FAM13B: variants seen among roughly 807,000 people sequenced by gnomAD.
FAM13B encodes the protein family with sequence similarity 13 member B, also known as protein FAM13B.
In FAM13B, 60 loss-of-function variants were observed where a neutral mutation model predicts 117.3. That is an observed-to-expected ratio of 0.51 (90% CI 0.42 to 0.63). The LOEUF (loss-of-function observed/expected upper bound fraction) is 0.63, where lower values mean the gene tolerates loss of function less well. FAM13B is among the 30% of genes least tolerant of loss of function. FAM13B has a pLI of 0.00. For synonymous variants in FAM13B, 332 were observed against 356.1 expected, an observed-to-expected ratio of 0.93 and a Z score of 0.76; for missense variants, 972 against 1,091.9, an observed-to-expected ratio of 0.89 and a Z score of 1.55.
intron 1 of FAM13B, among the ~76,000 whole-genome samples, chr5:138,024,314 C>G (rs116469530): frequency 0.011 from 1,727 of 152,088 alleles, 28 homozygotes; most frequent in African/African-American, 0.04. Flanking sequence ...CAGAGACACA[C>G]AGAGAGAAAG....
chr5:137,959,076 TGTTA>T (rs1431585965), intron 13 of FAM13B, among the ~76,000 whole-genome samples: 2 of 152,250 alleles, frequency 1.3e-5, no homozygotes, highest in African/African-American at 4.8e-5. Context: ...GTTGTTTGCT[TGTTA>T]AATTTTAACT....
chr5:138,041,104 C>T (rs1458134826), intron 1 of FAM13B, among the ~76,000 whole-genome samples: 1 of 150,702 alleles, frequency 6.6e-6, no homozygotes, highest in Non-Finnish European at 1.5e-5. Flanking sequence ...CACTAATCTT[C>T]AAAGAAAAGA....
chr5:137,995,768 A>G (rs1347703310), intron 7 of FAM13B, among the ~76,000 whole-genome samples: 1 of 152,218 alleles, frequency 6.6e-6, no homozygotes. Flanking sequence ...TCTTTAAAAT[A>G]TCAAAGGCAT....
intron 10 of FAM13B, among the ~76,000 whole-genome samples, chr5:137,968,219 CA>C (rs61341338): frequency 1.2e-4 from 15 of 121,278 alleles, no homozygotes; most frequent in African/African-American, 1.3e-4. Context: ...AAGACTGTCT[CA>C]AAAAAAAAAA....
In FAM13B at chr5:137,987,443, C is replaced by A; in HGVS notation, c.1046+18G>T. 6.3e-7 allele frequency: 1 copy of A among 1,590,734 alleles called. No homozygotes were observed. Among genetic ancestry groups the A allele is most frequent in the East Asian group, 2.2e-5 (1 of 44,486 alleles). ...CAATTTTATAACATTTAATAAACAA[C>A]AGTAAAATGTTTCTTACTGGTTATT... is the stretch of plus-strand genomic sequence containing the variant. On this transcript the variant is annotated intron_variant, in intron 9 of 23. Coordinates refer to ENST00000689681, the MANE Select transcript of FAM13B (RefSeq NM_001385994.1).
chr5:137,996,433 C>T (rs1488547337), intron 7 of FAM13B, among the ~76,000 whole-genome samples: 12 of 152,066 alleles, frequency 7.9e-5, no homozygotes, highest in African/African-American at 2.2e-4. Flanking sequence ...GCCACGGCGC[C>T]TGGCCAGAAA....
intron 10 of FAM13B, among the ~76,000 whole-genome samples, chr5:137,983,725 T>C (rs977490109): frequency 1.3e-5 from 2 of 152,222 alleles, no homozygotes; most frequent in Admixed American, 6.5e-5. Context: ...TTCTAGTTTA[T>C]AAAATAATTT....
chr5:138,007,723 T>C (rs576045661), intron 6 of FAM13B, among the ~76,000 whole-genome samples: 1 of 152,344 alleles, frequency 6.6e-6, no homozygotes, highest in South Asian at 2.1e-4. Flanking sequence ...GTCAAGGTTA[T>C]AATTATCTTG....
intron 1 of FAM13B, among the ~76,000 whole-genome samples, chr5:138,040,345 C>T (rs566840009): frequency 1.1e-4 from 17 of 147,892 alleles, no homozygotes; most frequent in Middle Eastern, 7.9e-3. Flanking sequence ...CGAGGCGGGC[C>T]GATCACAAGG....
intron 12 of FAM13B, 130 bp from the exon 13 acceptor site, chr5:137,959,893 C>T: frequency 1.2e-6 from 1 of 813,170 alleles, no homozygotes; most frequent in Non-Finnish European, 1.9e-6. Flanking sequence ...CTGTCCCACT[C>T]CCACTGTGCA....
intron 7 of FAM13B, among the ~76,000 whole-genome samples, chr5:138,004,861 G>A (rs1032787122): frequency 2.0e-5 from 3 of 152,186 alleles, no homozygotes; most frequent in African/African-American, 7.2e-5. Flanking sequence ...CTGGATGACA[G>A]AGCGAGAGAC....
intron 14 of FAM13B, 131 bp from the exon 15 acceptor site, chr5:137,954,507 C>CAT: frequency 2.5e-6 from 1 of 405,030 alleles, no homozygotes; most frequent in Non-Finnish European, 4.3e-6. Flanking sequence ...TACACACATA[C>CAT]ACACACACAC....
intron 14 of FAM13B, among the ~76,000 whole-genome samples, chr5:137,955,868 G>C (rs1188362787): frequency 6.6e-6 from 1 of 152,182 alleles, no homozygotes; most frequent in Non-Finnish European, 1.5e-5. Context: ...CTGACCTCAA[G>C]TGATCCGCCT....
chr5:138,000,700 G>A (rs1020339690), intron 7 of FAM13B, among the ~76,000 whole-genome samples: 1 of 152,152 alleles, frequency 6.6e-6, no homozygotes, highest in African/African-American at 2.4e-5. Flanking sequence ...GGAGGCCGAA[G>A]TAGGCAGATC....
intron 1 of FAM13B, among the ~76,000 whole-genome samples, chr5:138,028,766 G>A (rs1789109883): frequency 6.6e-6 from 1 of 152,166 alleles, no homozygotes; most frequent in Admixed American, 6.5e-5. Context: ...GCCTATAAAT[G>A]CCAGCACTTT....
Position 138,032,642 on chromosome 5 carries a change from A to G in FAM13B, c.-203+140T>C, listed in dbSNP as rs960679550. On this transcript the variant is annotated intron_variant, in intron 1 of 23. Transcript: ENST00000689681. ...CTCTCCACGGAACGCCCCACCTGCTAGAGTCCTCCACATCCCGAAACGCAA... is the reference window on the plus strand; with the variant it reads ...CTCTCCACGGAACGCCCCACCTGCTGGAGTCCTCCACATCCCGAAACGCAA... 6.3e-6 allele frequency: 5 copies of G among 794,986 alleles called. No individual in the cohort carries two copies. In the African/African-American group the frequency reaches 9.3e-5, roughly 15 times the overall value. The allele number at this position is 794,986 out of a possible 1,614,324, so 49.2% of individuals were successfully genotyped here.
chr5:137,941,934 C>G lies in FAM13B; in HGVS notation c.2690+10G>C. On this transcript the variant is annotated intron_variant, in intron 23 of 23. Transcript: ENST00000689681. ...AGAAAGATGACTCAATTTTGTGATG[C>G]TCAACAAACCTTCCATTTTGTTGAT... 6.2e-7 allele frequency: 1 copy of G among 1,607,032 alleles called. No homozygotes were observed.
intron 23 of FAM13B, among the ~76,000 whole-genome samples, chr5:137,940,661 T>C (rs1032040150): frequency 6.6e-6 from 1 of 152,202 alleles, no homozygotes; most frequent in African/African-American, 2.4e-5. Context: ...TGAGTGTCTA[T>C]TAAGTGTTGG....
chr5:137,991,070 ATAAAG>A (rs2150643817), intron 7 of FAM13B, among the ~76,000 whole-genome samples: 1 of 152,220 alleles, frequency 6.6e-6, no homozygotes, highest in East Asian at 1.9e-4. Flanking sequence ...ATTTTATACC[ATAAAG>A]TATTCTCTGT....
Sources: gnomAD v4.1 joint callset for allele counts (sites outside exome capture counted in the v4.1 genomes callset) on GRCh38, gnomAD v4.1.1 for gene constraint, MANE v1.5 for transcripts, NCBI Gene and HGNC (gene_info 2026-07-23, HGNC 2026-07-21) for gene names.